AGAP1: variants seen among roughly 807,000 people sequenced by gnomAD.
AGAP1 encodes the protein arf-GAP with GTPase, ANK repeat and PH domain-containing protein 1.
A neutral mutation model predicts 105.3 loss-of-function variants in AGAP1; 29 were observed. The observed-to-expected ratio is 0.28, with a 90% confidence interval of 0.21 to 0.38. AGAP1 has a LOEUF of 0.38. AGAP1 is among the 10% of genes least tolerant of loss of function. The probability of loss-of-function intolerance (pLI) is 1.00; values close to 1 mark genes in which losing one functional copy is unlikely to be tolerated. For missense variants in AGAP1, 998 were observed against 1,165.1 expected (o/e 0.86, Z 2.09); for synonymous variants, 509 against 485.9 (o/e 1.05, Z -0.63).
chr2:235,499,865 C>T (rs1941490065), intron 1 of AGAP1, among the ~76,000 whole-genome samples: 1 of 152,162 alleles, frequency 6.6e-6, no homozygotes. Flanking sequence ...TAGATCACGT[C>T]TGGCCCTTGA....
chr2:235,844,718 C>T (rs1037933259), intron 9 of AGAP1, among the ~76,000 whole-genome samples: 2 of 152,146 alleles, frequency 1.3e-5, no homozygotes, highest in African/African-American at 4.8e-5. Context: ...GCCTCCTCTC[C>T]GAACCTGGGC....
Position 235,511,274 on chromosome 2 carries a change from G to A in AGAP1, c.163+16425G>A, listed in dbSNP as rs148919739. Among the ~76,000 whole-genome samples the A allele has an allele frequency of 2.4e-3, 372 of 152,142 alleles. 1 individual carries two copies. Among genetic ancestry groups the A allele is most frequent in the African/African-American group, 8.5e-3 (354 of 41,522 alleles). On this transcript the variant is annotated intron_variant, in intron 1 of 17. Coordinates refer to ENST00000304032, the MANE Select transcript of AGAP1 (RefSeq NM_001037131.3). Reference sequence around the variant, plus strand: ...AAGGATTACTCTGGTGCACGATTCTGTTTCGGTGGGAGCTGGTGTAATTAT... The same window carrying A: ...AAGGATTACTCTGGTGCACGATTCTATTTCGGTGGGAGCTGGTGTAATTAT...
At chr2:235,576,911 G>A (rs1160778628) in intron 1 of AGAP1, among the ~76,000 whole-genome samples, 2 of 152,196 alleles carry the variant, frequency 1.3e-5, no homozygotes, top group African/African-American at 4.8e-5. Context: ...TGTTGGGTTG[G>A]CGAGATGGCC....
At chr2:235,748,985 G>T (rs976582541) in intron 5 of AGAP1, among the ~76,000 whole-genome samples, 1 of 152,206 alleles carries the variant, frequency 6.6e-6, no homozygotes, top group East Asian at 1.9e-4. Context: ...CAGGCGGGTG[G>T]ATCACTTGAG....
intron 1 of AGAP1, among the ~76,000 whole-genome samples, chr2:235,527,830 C>G (rs1324648050): frequency 1.3e-5 from 2 of 152,152 alleles, no homozygotes; most frequent in Non-Finnish European, 2.9e-5. Flanking sequence ...TTACCTGCTC[C>G]CATTCACACC....
intron 1 of AGAP1, among the ~76,000 whole-genome samples, chr2:235,584,319 T>G (rs947850218): frequency 1.3e-5 from 2 of 151,590 alleles, no homozygotes; most frequent in South Asian, 2.1e-4. Context: ...GCACTCTTTG[T>G]TCTTATAGGA....
At chr2:235,945,727 T>C (rs1275390326) in intron 12 of AGAP1, among the ~76,000 whole-genome samples, 2 of 152,072 alleles carry the variant, frequency 1.3e-5, no homozygotes, top group South Asian at 2.1e-4. Context: ...AATAAACACC[T>C]GAGACTGGGT....
At chr2:235,704,271 G>T (rs1430449718) in intron 1 of AGAP1, among the ~76,000 whole-genome samples, 1 of 152,222 alleles carries the variant, frequency 6.6e-6, no homozygotes, top group East Asian at 1.9e-4. Context: ...TTTTACACTT[G>T]TAACATCTGC....
In AGAP1 at chr2:235,660,517, A is replaced by G. The variant is rs563093154; in HGVS notation, c.164-48662A>G. Among the ~76,000 whole-genome samples, 8 of 152,272 alleles carry G rather than the reference A, an allele frequency of 5.3e-5. No individual in the cohort carries two copies. Among genetic ancestry groups the G allele is most frequent in the African/African-American group, 1.9e-4 (8 of 41,554 alleles). On this transcript the variant is annotated intron_variant, in intron 1 of 17. Coordinates refer to ENST00000304032, the MANE Select transcript of AGAP1 (RefSeq NM_001037131.3). The surrounding 1 kb of genome is among the most constrained non-coding windows in gnomAD (Gnocchi z 5.3). ...AGCAGGGTGACAGATGCCAAGGAAG[A>G]GTGCCCAGGTGTGCACAGGTGTGCC...
rs1438436563 is a variant in AGAP1, at chr2:236,078,752, T to G, written c.2114+29471T>G. Among the ~76,000 whole-genome samples the G allele has an allele frequency of 1.3e-5, 2 of 152,180 alleles. No individual in the cohort carries two copies. Among genetic ancestry groups the G allele is most frequent in the Admixed American group, 6.5e-5 (1 of 15,272 alleles). Reference sequence around the variant, plus strand: ...GGACCCAAGTCCACCCTCTGGCCCCTTCTCCCTGTAGGATTCCTAAGCTTG... The same window carrying G: ...GGACCCAAGTCCACCCTCTGGCCCCGTCTCCCTGTAGGATTCCTAAGCTTG... On this transcript the variant is annotated intron_variant, in intron 16 of 17. Coordinates refer to ENST00000304032, the MANE Select transcript of AGAP1 (RefSeq NM_001037131.3). This position sits in a 1 kb window ranked among gnomAD's most constrained non-coding sequence, Gnocchi z 5.3.
rs2060003767 is a variant in AGAP1 at position 236,126,336 on chromosome 2, C to T, written c.*2214C>T. The T allele has an allele frequency of 2.0e-5, 3 of 150,786 alleles. No homozygotes were observed. The highest frequency in any genetic ancestry group is 2.1e-4 in the South Asian group (1 of 4,734). The allele number at this position is 150,786 out of a possible 1,614,324, so 9.3% of individuals were successfully genotyped here. A position where few individuals can be genotyped will look rare whatever the true frequency, so the allele number is the denominator to read the frequency against. On this transcript the variant is annotated 3_prime_UTR_variant, in exon 18 of 18. Coordinates refer to ENST00000304032, the MANE Select transcript of AGAP1 (RefSeq NM_001037131.3). Reference sequence around the variant, plus strand: ...GGTGTTCGAGTCCACTAGACACACTCGCTCCACACAGCCTTCACCGTAGAC... The same window carrying T: ...GGTGTTCGAGTCCACTAGACACACTTGCTCCACACAGCCTTCACCGTAGAC...
At chr2:235,678,826 G>A (rs1031602072) in intron 1 of AGAP1, among the ~76,000 whole-genome samples, 1 of 151,988 alleles carries the variant, frequency 6.6e-6, no homozygotes, top group African/African-American at 2.4e-5. Context: ...GGTGCTGGGT[G>A]GAAGGTCCCT....
At chr2:235,520,261 A>G (rs999701573) in intron 1 of AGAP1, among the ~76,000 whole-genome samples, 2 of 152,212 alleles carry the variant, frequency 1.3e-5, no homozygotes, top group African/African-American at 4.8e-5. Flanking sequence ...CAGTTGTCTC[A>G]TGATTACCAT....
intron 1 of AGAP1, among the ~76,000 whole-genome samples, chr2:235,627,516 C>T (rs908167504): frequency 9.2e-5 from 14 of 152,132 alleles, no homozygotes; most frequent in Admixed American, 7.9e-4. Context: ...TGAGCCACGG[C>T]GCCCGGCTAT....
chr2:235,885,322 G>A (rs919806747), intron 10 of AGAP1, among the ~76,000 whole-genome samples: 4 of 152,156 alleles, frequency 2.6e-5, no homozygotes, highest in Non-Finnish European at 4.4e-5. Flanking sequence ...TCCACTGTGT[G>A]GATGTGCCTT....
intron 1 of AGAP1, among the ~76,000 whole-genome samples, chr2:235,706,198 A>ATTTGT (rs1375970884): frequency 6.6e-6 from 1 of 152,012 alleles, no homozygotes; most frequent in African/African-American, 2.4e-5. Flanking sequence ...GCATATGCAT[A>ATTTGT]TTTATTTTGT....
intron 1 of AGAP1, among the ~76,000 whole-genome samples, chr2:235,546,539 G>A (rs1161326508): frequency 6.6e-6 from 1 of 152,200 alleles, no homozygotes; most frequent in Non-Finnish European, 1.5e-5. Context: ...AAGCCAGGCT[G>A]TGGCCCTTCC....
In AGAP1 at chr2:235,734,399, TG is replaced by T. The variant is rs1456006524; in HGVS notation, c.311-6562del. Among the ~76,000 whole-genome samples, 2 of 151,872 alleles carry T rather than the reference TG, an allele frequency of 1.3e-5. No homozygotes were observed. The highest frequency in any genetic ancestry group is 2.9e-5 in the Non-Finnish European group (2 of 67,966). ...CTTGCATCTGCTGAAAGAACCGGGGTGGCCCCACTGCATCTTGATCAGACAC... is the reference window on the plus strand; with the variant it reads ...CTTGCATCTGCTGAAAGAACCGGGGTGCCCCACTGCATCTTGATCAGACAC... On this transcript the variant is annotated intron_variant, in intron 3 of 17. Coordinates refer to ENST00000304032, the MANE Select transcript of AGAP1 (RefSeq NM_001037131.3). The surrounding 1 kb of genome is among the most constrained non-coding windows in gnomAD (Gnocchi z 5.3).
intron 9 of AGAP1, 53 bp downstream of exon 9, chr2:235,807,384 C>G: frequency 2.7e-6 from 4 of 1,501,650 alleles, no homozygotes; most frequent in Non-Finnish European, 3.6e-6. Context: ...CACCTCAGGT[C>G]TTCCTGGAGA....
Sources: allele counts gnomAD v4.1 joint callset (sites outside exome capture counted in the v4.1 genomes callset), GRCh38; gene constraint gnomAD v4.1.1; non-coding constraint Gnocchi (gnomAD v3.1); transcripts MANE v1.5; gene names NCBI Gene and HGNC (gene_info 2026-07-23, HGNC 2026-07-21).